Variants in STAU2 observed in about 807,000 individuals in gnomAD.
STAU2 encodes staufen double-stranded RNA binding protein 2.
Under a neutral mutation model 65.9 loss-of-function variants are expected in STAU2, and 20 were observed. The observed-to-expected ratio is 0.30, with a 90% CI of 0.21 to 0.44. The LOEUF is 0.44. STAU2 is among the 20% of genes least tolerant of loss of function. The probability of loss-of-function intolerance (pLI) is 1.00; values close to 1 mark genes in which losing one functional copy is unlikely to be tolerated. For missense variants in STAU2, 558 were observed against 683.9 expected (o/e 0.82, Z 2.05); for synonymous variants, 232 against 233.9 (o/e 0.99, Z 0.07).
intron 13 of STAU2, among the ~76,000 whole-genome samples, chr8:73,481,500 C>CAAAAA (rs766805913): frequency 1.7e-5 from 1 of 60,050 alleles, no homozygotes; most frequent in Non-Finnish European, 3.0e-5. Context: ...CAAAATAAGC[C>CAAAAA]AAAAAAACAA....
At position 73,739,768 on chromosome 8, in the gene STAU2, G is replaced by C. The variant is rs985427077; in HGVS notation, c.-96C>G. On this transcript the variant is annotated 5_prime_UTR_variant, in exon 2 of 15. Transcript: ENST00000524300. Reference sequence around the variant, plus strand: ...TTCTTCAGATTACCTTCTGAGCCTTGGTTCAAATTACTTTGTGTATCTTTG... The same window carrying C: ...TTCTTCAGATTACCTTCTGAGCCTTCGTTCAAATTACTTTGTGTATCTTTG... 1.3e-5 allele frequency: 19 copies of C among 1,516,110 alleles called. No homozygotes were observed. The highest frequency in any genetic ancestry group is 1.7e-5 in the Non-Finnish European group (19 of 1,140,914). 93.9% of individuals were successfully genotyped at this position (1,516,110 alleles called of 1,614,324 possible).
chr8:73,581,279 T>C (rs925353931), intron 12 of STAU2, among the ~76,000 whole-genome samples: 6 of 152,186 alleles, frequency 3.9e-5, no homozygotes, highest in African/African-American at 1.4e-4. Flanking sequence ...TTAAAATACA[T>C]AAAGTTTATA....
intron 12 of STAU2, among the ~76,000 whole-genome samples, chr8:73,581,540 A>C: frequency 1.3e-5 from 2 of 152,210 alleles, no homozygotes; most frequent in East Asian, 3.8e-4. Context: ...AACTGCAATC[A>C]ATTTCATGTT....
intron 10 of STAU2, among the ~76,000 whole-genome samples, chr8:73,598,640 T>C (rs985176017): frequency 4.6e-5 from 7 of 152,110 alleles, no homozygotes; most frequent in Non-Finnish European, 1.0e-4. Context: ...ACAAGGATGT[T>C]CCCTATTATT....
At chr8:73,741,482 T>G (rs538557250) in intron 1 of STAU2, among the ~76,000 whole-genome samples, 41 of 152,098 alleles carry the variant, frequency 2.7e-4, no homozygotes, top group Non-Finnish European at 3.5e-4. Flanking sequence ...GAGTAAGATA[T>G]TGGGGTACCT....
At chr8:73,591,897 A>AC (rs1810819084) in intron 11 of STAU2, among the ~76,000 whole-genome samples, 1 of 144,314 alleles carries the variant, frequency 6.9e-6, no homozygotes, top group Non-Finnish European at 1.5e-5. Flanking sequence ...AAAAAAAAAA[A>AC]AAAAAAAAAA....
chr8:73,534,598 T>C (rs1806061294), intron 13 of STAU2, among the ~76,000 whole-genome samples: 1 of 152,210 alleles, frequency 6.6e-6, no homozygotes, highest in African/African-American at 2.4e-5. Context: ...ATGATTAGCA[T>C]TAATAATAAC....
intron 1 of STAU2, among the ~76,000 whole-genome samples, chr8:73,746,216 T>G (rs532956304): frequency 6.6e-6 from 1 of 152,116 alleles, no homozygotes; most frequent in South Asian, 2.1e-4. Context: ...CAGAAATAGC[T>G]GCCGCCGCCA....
At chr8:73,529,254 A>G (rs912434795) in intron 13 of STAU2, among the ~76,000 whole-genome samples, 7 of 152,220 alleles carry the variant, frequency 4.6e-5, no homozygotes, top group Non-Finnish European at 8.8e-5. Context: ...GCAACTAGGT[A>G]TAAGGGGAAA....
chr8:73,667,745 G>T (rs1259779368), intron 6 of STAU2, among the ~76,000 whole-genome samples: 1 of 152,172 alleles, frequency 6.6e-6, no homozygotes, highest in Non-Finnish European at 1.5e-5. Context: ...GTGGCAATGA[G>T]TAGGCATGCA....
chr8:73,548,387 A>AC lies in STAU2; in HGVS notation c.1530+3624dup, dbSNP rs202093219. Among the ~76,000 whole-genome samples the AC allele has an allele frequency of 2.2e-4, 34 of 151,518 alleles. No individual in the cohort carries two copies. The East Asian group carries it at 3.9e-3, about 17-fold the overall frequency. On this transcript the variant is annotated intron_variant, in intron 13 of 14. Transcript: ENST00000524300. The stretch of plus-strand genomic sequence containing the variant: ...CAGATTCTCAGGGAGACCAGCCACC[A>AC]CCCCCCCACTTCCACCAGCCCCATC...
chr8:73,741,386 G>C (rs1806867102), intron 1 of STAU2, among the ~76,000 whole-genome samples: 1 of 151,806 alleles, frequency 6.6e-6, no homozygotes, highest in South Asian at 2.1e-4. Context: ...CGTTGCTAAA[G>C]TTACAAATGC....
chr8:73,518,129 T>C (rs562983919), intron 13 of STAU2, among the ~76,000 whole-genome samples: 29 of 152,364 alleles, frequency 1.9e-4, no homozygotes, highest in African/African-American at 6.0e-4. Context: ...AAACTTTCTT[T>C]TAACACTCTG....
At chr8:73,467,309 G>C (rs368633390) in intron 13 of STAU2, among the ~76,000 whole-genome samples, 14 of 152,286 alleles carry the variant, frequency 9.2e-5, no homozygotes, top group African/African-American at 3.4e-4. Context: ...AAGGCAGGTG[G>C]ATCACGAGGT....
Position 73,708,943 on chromosome 8 carries a change from A to C in STAU2, c.114+89T>G, listed in dbSNP as rs1324018220. On this transcript the variant is annotated intron_variant, in intron 4 of 14. Coordinates refer to ENST00000524300, the MANE Select transcript of STAU2 (RefSeq NM_001164380.2). The stretch of plus-strand genomic sequence containing the variant: ...CCTTCAAGCCATCTGCTGAACCCCC[A>C]CTCCCCAAAATAAAGCACGATTAAA... 3 of 1,304,594 alleles carry C rather than the reference A, an allele frequency of 2.3e-6. No individual in the cohort carries two copies. In the African/African-American group the frequency reaches 4.5e-5, roughly 20 times the overall value. The allele number at this position is 1,304,594 out of a possible 1,614,324, so 80.8% of individuals were successfully genotyped here. A position where few individuals can be genotyped will look rare whatever the true frequency, so the allele number is the denominator to read the frequency against.
intron 13 of STAU2, among the ~76,000 whole-genome samples, chr8:73,476,063 A>G (rs886359145): frequency 1.3e-5 from 2 of 152,170 alleles, no homozygotes; most frequent in African/African-American, 4.8e-5. Flanking sequence ...AGAAATTAAT[A>G]TGTTAACAGT....
intron 13 of STAU2, among the ~76,000 whole-genome samples, chr8:73,437,758 G>C (rs559037301): frequency 6.6e-6 from 1 of 152,228 alleles, no homozygotes; most frequent in Non-Finnish European, 1.5e-5. Flanking sequence ...TGAGAAGAGC[G>C]GCCCAGGTGC....
At chr8:73,484,506 T>C (rs1383874892) in intron 13 of STAU2, among the ~76,000 whole-genome samples, 2 of 151,862 alleles carry the variant, frequency 1.3e-5, no homozygotes, top group African/African-American at 4.8e-5. Flanking sequence ...ACTCGGCTAA[T>C]GAATGGCTTT....
chr8:73,717,004 G>A (rs1256745677), intron 3 of STAU2, among the ~76,000 whole-genome samples: 1 of 152,058 alleles, frequency 6.6e-6, no homozygotes, highest in Non-Finnish European at 1.5e-5. Flanking sequence ...AGGAGGCTGA[G>A]GCACAAGAAT....
Sources: gnomAD v4.1 joint callset for allele counts (sites outside exome capture counted in the v4.1 genomes callset) on GRCh38, gnomAD v4.1.1 for gene constraint, MANE v1.5 for transcripts, NCBI Gene and HGNC (gene_info 2026-07-23, HGNC 2026-07-21) for gene names.